WDPCP: variants seen among roughly 807,000 people sequenced by gnomAD.
WDPCP encodes WD repeat containing planar cell polarity effector.
WDPCP carries 71 observed loss-of-function variants against 93.1 expected under a neutral mutation model. The observed-to-expected ratio is 0.76, with a 90% CI of 0.63 to 0.93. The LOEUF (loss-of-function observed/expected upper bound fraction) is 0.93, where lower values mean the gene tolerates loss of function less well. Among genes scored for constraint, WDPCP ranks in the 40% least tolerant of loss-of-function variants. WDPCP has a pLI of 0.00. For missense variants in WDPCP, 844 were observed against 887.4 expected (o/e 0.95, Z 0.62); for synonymous variants, 315 against 315.0 (o/e 1.00, Z 0.00).
At position 63,120,833 on chromosome 2, in the gene WDPCP, C is replaced by G. The variant is rs1214816597; in HGVS notation, c.*1173G>C. On this transcript the variant is annotated 3_prime_UTR_variant, in exon 18 of 18. Transcript: ENST00000272321. Reference sequence around the variant, plus strand: ...ACAGGCGTGAGCCACCGTGCCTGGCCTATAGATGTCTATAATTGTGAAATA... The same window carrying G: ...ACAGGCGTGAGCCACCGTGCCTGGCGTATAGATGTCTATAATTGTGAAATA... Among the ~76,000 whole-genome samples, 11 of 151,882 alleles carry G rather than the reference C, an allele frequency of 7.2e-5. No individual in the cohort carries two copies. Among genetic ancestry groups the G allele is most frequent in the Admixed American group, 6.6e-4 (10 of 15,236 alleles).
Position 63,680,529 on chromosome 2 carries a change from T to C in WDPCP, n.309-29691A>G, listed in dbSNP as rs1425444711. ...GCCCTGGCCAGAAGGGAATCACCCA[T>C]CCCAGTGGTCAGAATTTGAGTTTCC... On this transcript the variant is annotated intron_variant and non_coding_transcript_variant, in intron 2 of 4. Transcript: ENST00000467687. 2.6e-5 allele frequency among the ~76,000 whole-genome samples: 4 copies of C among 152,058 alleles called. No individual in the cohort carries two copies. In the East Asian group the frequency reaches 7.7e-4, roughly 29 times the overall value.
intron 1 of WDPCP, among the ~76,000 whole-genome samples, chr2:63,550,519 C>T (rs942330697): frequency 6.6e-6 from 1 of 151,782 alleles, no homozygotes; most frequent in Non-Finnish European, 1.5e-5. Flanking sequence ...AGTTTACTTC[C>T]TATCTTTCTG....
At chr2:63,836,473 A>C in the WDPCP span, among the ~76,000 whole-genome samples, 1 of 152,240 alleles carries the variant, frequency 6.6e-6, no homozygotes, top group Non-Finnish European at 1.5e-5. Context: ...TTCTATACAT[A>C]TATCACTACA....
intron 6 of WDPCP, among the ~76,000 whole-genome samples, chr2:63,480,310 C>A (rs1456955072): frequency 2.0e-5 from 3 of 152,052 alleles, no homozygotes; most frequent in Non-Finnish European, 2.9e-5. Flanking sequence ...GGCCATACTG[C>A]CAAAAGCAGT....
intron 2 of WDPCP, among the ~76,000 whole-genome samples, chr2:63,490,186 G>T (rs1026642820): frequency 2.0e-5 from 3 of 150,958 alleles, no homozygotes; most frequent in Admixed American, 6.6e-5. Flanking sequence ...ATATGTTACT[G>T]TGAACAAAAA....
intron 2 of WDPCP, among the ~76,000 whole-genome samples, chr2:63,750,487 C>T (rs1422540184): frequency 6.6e-6 from 1 of 151,842 alleles, no homozygotes; most frequent in East Asian, 1.9e-4. Flanking sequence ...TTATTCTCCC[C>T]ACTGCTGCCT....
At chr2:63,606,084 T>C in intron 3 of WDPCP, 2 of 1,473,514 alleles carry the variant, frequency 1.4e-6, no homozygotes, top group Non-Finnish European at 1.9e-6. Flanking sequence ...ATGTTTCTCT[T>C]AAGAATGGTA....
At chr2:63,538,496 G>T (rs983675888) in intron 1 of WDPCP, among the ~76,000 whole-genome samples, 1 of 152,104 alleles carries the variant, frequency 6.6e-6, no homozygotes, top group Non-Finnish European at 1.5e-5. Context: ...AAATTGTTTT[G>T]CACATTCTAT....
At chr2:63,142,860 A>G (rs1232844245) in intron 17 of WDPCP, among the ~76,000 whole-genome samples, 4 of 151,400 alleles carry the variant, frequency 2.6e-5, no homozygotes, top group Non-Finnish European at 5.9e-5. Flanking sequence ...ACACACATAT[A>G]TATACACACA....
intron 9 of WDPCP, among the ~76,000 whole-genome samples, chr2:63,404,876 A>T (rs913937627): frequency 6.6e-6 from 1 of 152,210 alleles, no homozygotes; most frequent in African/African-American, 2.4e-5. Context: ...GTCTTAAAAA[A>T]ATAAAAAATA....
intron 1 of WDPCP, among the ~76,000 whole-genome samples, chr2:63,519,626 T>A (rs1575570797): frequency 2.0e-5 from 3 of 152,000 alleles, no homozygotes; most frequent in Admixed American, 2.0e-4. Flanking sequence ...AGCCCAGGAA[T>A]CAGGAGCTGA....
intron 14 of WDPCP, among the ~76,000 whole-genome samples, chr2:63,183,159 T>C (rs1311449976): frequency 1.3e-5 from 2 of 152,076 alleles, no homozygotes; most frequent in African/African-American, 4.8e-5. Context: ...ATTTGTTATT[T>C]GTTTTCTGTT....
chr2:63,574,784 A>G (rs546314232), intron 1 of WDPCP, among the ~76,000 whole-genome samples: 6 of 152,322 alleles, frequency 3.9e-5, no homozygotes, highest in African/African-American at 1.4e-4. Context: ...GCTACAACTC[A>G]GTAGAGAGAA....
At chr2:63,378,607 GA>G (rs1313620501) in intron 11 of WDPCP, 98 bp from the exon 12 acceptor site, 1 of 1,497,598 alleles carries the variant, frequency 6.7e-7, no homozygotes, top group East Asian at 2.3e-5. Flanking sequence ...TGCAGACTTG[GA>G]TGAAACATGA....
At chr2:63,583,679 CA>C (rs10718475) in intron 1 of WDPCP, among the ~76,000 whole-genome samples, 86,254 of 135,408 alleles carry the variant, frequency 0.64, 27,657 homozygotes, top group African/African-American at 0.85. Context: ...GACTCCGTTT[CA>C]AAAAAAAAAA....
At position 63,404,336 on chromosome 2, in the gene WDPCP, T is replaced by G. The variant is rs745528880; in HGVS notation, c.1147A>C (p.Ile383Leu). 3.1e-6 allele frequency: 5 copies of G among 1,614,180 alleles called. No individual in the cohort carries two copies. The highest frequency in any genetic ancestry group is 4.2e-6 in the Non-Finnish European group (5 of 1,180,016). Residue 383 changes from isoleucine (I) to leucine (L), a missense_variant, in exon 10 of 18, where the codon ATA becomes CTA. By Grantham distance (5) the Ile-to-Leu change is conservative. Coordinates refer to ENST00000272321, the MANE Select transcript of WDPCP (RefSeq NM_015910.7). ...ATGGCACCACTTGGGTGGCAGCTTA[T>G]TAATGAAGGCAAAAGTTCAGTCTGT... ...LAQTELLPSL[I>L]SCHPSGAILL...
chr2:63,426,147 T>C (rs1438388530), intron 9 of WDPCP, among the ~76,000 whole-genome samples: 1 of 152,190 alleles, frequency 6.6e-6, no homozygotes, highest in Non-Finnish European at 1.5e-5. Flanking sequence ...GAGACCAGCC[T>C]GGCCAATATG....
At chr2:63,809,007 T>C (rs1459072303) in intron 2 of WDPCP, among the ~76,000 whole-genome samples, 1 of 143,482 alleles carries the variant, frequency 7.0e-6, no homozygotes, top group Non-Finnish European at 1.5e-5. Context: ...CCGTCTGGGA[T>C]GTGAGGAGCA....
At chr2:63,403,635 G>T (rs1447554543) in intron 10 of WDPCP, 1 of 158,190 alleles carries the variant, frequency 6.3e-6, no homozygotes, top group Non-Finnish European at 1.4e-5. Flanking sequence ...TTCCAGTCTG[G>T]GAAGCAACAG....
Sources: gnomAD v4.1 joint callset for allele counts (sites outside exome capture counted in the v4.1 genomes callset) on GRCh38, gnomAD v4.1.1 for gene constraint, MANE v1.5 for transcripts, NCBI Gene and HGNC (gene_info 2026-07-23, HGNC 2026-07-21) for gene names.